TMEM69: variants seen among roughly 807,000 people sequenced by gnomAD.
TMEM69 encodes transmembrane protein 69.
A neutral mutation model predicts 15.8 loss-of-function variants in TMEM69; 17 were observed. The observed-to-expected ratio is 1.07, with a 90% CI of 0.73 to 1.61. TMEM69 has a LOEUF of 1.61. Ranked by LOEUF, TMEM69 falls within the 40% of genes most tolerant of loss-of-function variation. The pLI is 0.00. For synonymous variants in TMEM69, 80 were observed against 98.6 expected (o/e 0.81, Z 1.12); for missense variants, 230 against 286.1 (o/e 0.80, Z 1.41).
rs781614831 is a variant in TMEM69, at chr1:45,693,360, T to G, written c.199T>G (p.Ser67Ala). The G allele has an allele frequency of 3.2e-5, 51 of 1,613,832 alleles. No individual in the cohort carries two copies. Among genetic ancestry groups the G allele is most frequent in the Non-Finnish European group, 4.2e-5 (49 of 1,179,990 alleles). The stretch of plus-strand genomic sequence containing the variant: ...GAGCAAGACACAGTGCTATCATACA[T>G]CCCCCTGCAGCTTTAAAAAGCAGCA... ...YMSKTQCYHTSPCSFKKQQKQ... is the reference protein window; with the variant it reads ...YMSKTQCYHTAPCSFKKQQKQ... Residue 67 changes from serine (S) to alanine (A), a missense_variant, in exon 3 of 3, where the codon TCC becomes GCC. Ser to Ala is a moderately conservative substitution (Grantham distance 99, BLOSUM62 1). Transcript: ENST00000372025.
Position 45,690,960 on chromosome 1 carries a change from T to A in TMEM69, c.-95-14T>A. On this transcript the variant is annotated splice_polypyrimidine_tract_variant and intron_variant, in intron 1 of 2. Transcript: ENST00000372025. The stretch of plus-strand genomic sequence containing the variant: ...AAATGAGGAAAATTAAGTGACACCT[T>A]GTGTTATACACAGAAACATGCCCCT... 8.7e-7 allele frequency: 1 copy of A among 1,151,198 alleles called. No homozygotes were observed. 71.3% of individuals were successfully genotyped at this position (1,151,198 alleles called of 1,614,324 possible). A position where few individuals can be genotyped will look rare whatever the true frequency, so the allele number is the denominator to read the frequency against.
rs1645341996 is a variant in TMEM69, at chr1:45,691,125, C to G, written c.42+15C>G. On this transcript the variant is annotated intron_variant, in intron 2 of 2. Coordinates refer to ENST00000372025, the MANE Select transcript of TMEM69 (RefSeq NM_016486.4). Reference sequence around the variant, plus strand: ...CATCTTCAAAGGTTGGTTTGTTCAGCAGATATTTGAGCACTATTTGCCAAA... The same window carrying G: ...CATCTTCAAAGGTTGGTTTGTTCAGGAGATATTTGAGCACTATTTGCCAAA... 1.9e-6 allele frequency: 3 copies of G among 1,613,660 alleles called. No individual in the cohort carries two copies. The highest frequency in any genetic ancestry group is 1.7e-5 in the Admixed American group (1 of 59,986).
At position 45,691,218 on chromosome 1, in the gene TMEM69, G is replaced by A. The variant is rs985110192; in HGVS notation, c.42+108G>A. ...CCTTACCCTTGTATATTCAGGTGAT[G>A]GAGGGAAGAGTTAAGTAAAATACAA... is the stretch of plus-strand genomic sequence containing the variant. On this transcript the variant is annotated intron_variant, in intron 2 of 2. Transcript: ENST00000372025. 52 of 912,762 alleles carry A rather than the reference G, an allele frequency of 5.7e-5. No homozygotes were observed. In the Middle Eastern group the frequency reaches 1.1e-3, roughly 18 times the overall value. The allele number at this position is 912,762 out of a possible 1,614,324, so 56.5% of individuals were successfully genotyped here. A position where few individuals can be genotyped will look rare whatever the true frequency, so the allele number is the denominator to read the frequency against.
chr1:45,693,595 G>A lies in TMEM69; in HGVS notation c.434G>A (p.Trp145Ter), dbSNP rs771995746. 2 of 1,614,062 alleles carry A rather than the reference G, an allele frequency of 1.2e-6. No homozygotes were observed. The highest frequency in any genetic ancestry group is 1.7e-5 in the Admixed American group (1 of 59,992). The change falls in exon 3 of 3, where the codon TGG (tryptophan) becomes TAG (stop). Residue 145 changes from tryptophan to a stop codon, truncating the protein, a stop_gained. Transcript: ENST00000372025. LOFTEE classifies it high-confidence loss of function. ...SFLSFLGGIRWGFALPEGSPA... is the reference protein window; with the variant it reads ...SFLSFLGGIR ...CTATCTTTCTTGGGTGGGATCAGAT[G>A]GGGTTTTGCTCTACCAGAAGGTAGT...
chr1:45,693,007 A>G lies in TMEM69; in HGVS notation c.43-197A>G, dbSNP rs1038942359. ...CTTTTGTACATTGTATAGCCATTTA[A>G]TACTCTTACCAGCAATAATATCACT... On this transcript the variant is annotated intron_variant, in intron 2 of 2. Transcript: ENST00000372025. Among the ~76,000 whole-genome samples the G allele has an allele frequency of 2.0e-5, 3 of 152,084 alleles. No homozygotes were observed. The East Asian group carries it at 5.8e-4, about 29-fold the overall frequency.
rs537816282 is a variant in TMEM69 at position 45,691,215 on chromosome 1, G to A, written c.42+105G>A. 6 of 944,582 alleles carry A rather than the reference G, an allele frequency of 6.4e-6. No homozygotes were observed. The Admixed American group carries it at 8.0e-5, about 13-fold the overall frequency. The allele number at this position is 944,582 out of a possible 1,614,324, so 58.5% of individuals were successfully genotyped here. On this transcript the variant is annotated intron_variant, in intron 2 of 2. Transcript: ENST00000372025. Reference sequence around the variant, plus strand: ...AATCCTTACCCTTGTATATTCAGGTGATGGAGGGAAGAGTTAAGTAAAATA... The same window carrying A: ...AATCCTTACCCTTGTATATTCAGGTAATGGAGGGAAGAGTTAAGTAAAATA...
rs376744329 is a variant in TMEM69 at position 45,693,592 on chromosome 1, G to C, written c.431G>C (p.Arg144Thr). 2.1e-5 allele frequency: 34 copies of C among 1,614,202 alleles called. No homozygotes were observed. Among genetic ancestry groups the C allele is most frequent in the Non-Finnish European group, 2.5e-5 (29 of 1,180,036 alleles). Residue 144 changes from arginine to threonine, a missense_variant, in exon 3 of 3, where the codon AGA (arginine) becomes ACA (threonine). Transcript: ENST00000372025. Reference sequence around the variant, plus strand: ...TTCCTATCTTTCTTGGGTGGGATCAGATGGGGTTTTGCTCTACCAGAAGGT... The same window carrying C: ...TTCCTATCTTTCTTGGGTGGGATCACATGGGGTTTTGCTCTACCAGAAGGT... ...ASFLSFLGGI[R>T]WGFALPEGSP... is the part of the protein sequence containing the mutation.
rs766594584 is a variant in TMEM69 at position 45,693,575 on chromosome 1, T to C, written c.414T>C (p.Ser138=). 1.6e-5 allele frequency: 26 copies of C among 1,614,208 alleles called. No individual in the cohort carries two copies. The highest frequency in any genetic ancestry group is 2.1e-5 in the Non-Finnish European group (25 of 1,180,030). The change falls in exon 3 of 3, where the codon TCT becomes TCC. Residue 138 remains serine (S), a synonymous_variant. Transcript: ENST00000372025. The stretch of plus-strand genomic sequence containing the variant: ...TGGCTTATGGAGCCAGTTTCCTATC[T>C]TTCTTGGGTGGGATCAGATGGGGTT... ...TQMAYGASFL[S]FLGGIRWGFA...
Position 45,694,337 on chromosome 1 carries a change from G to A in TMEM69, c.*432G>A. 2.6e-6 allele frequency: 2 copies of A among 762,494 alleles called. No homozygotes were observed. The highest frequency in any genetic ancestry group is 1.6e-5 in the South Asian group (1 of 63,748). The allele number at this position is 762,494 out of a possible 1,614,324, so 47.2% of individuals were successfully genotyped here. On this transcript the variant is annotated 3_prime_UTR_variant, in exon 3 of 3. Transcript: ENST00000372025. ...CCTGACAAGTACTTTTCATCTCATA[G>A]TATATTAGTTTTCACTCAGTCATTT...
In TMEM69 at chr1:45,693,726, G is replaced by T. The variant is rs760503617; in HGVS notation, c.565G>T (p.Val189Leu). Residue 189 changes from valine (V) to leucine (L), a missense_variant, in exon 3 of 3, where the codon GTA (valine) becomes TTA (leucine). Val to Leu is a conservative substitution (Grantham distance 32, BLOSUM62 1). Transcript: ENST00000372025. The stretch of plus-strand genomic sequence containing the variant: ...AAGACTTAGTGAAGCCATAGTCACA[G>T]TAATAATGGGTATGGGAGTAGCATT... The part of the protein sequence containing the change: ...SERLSEAIVT[V>L]IMGMGVAFHL... The T allele has an allele frequency of 6.2e-7, 1 of 1,614,192 alleles. No individual in the cohort carries two copies. Among genetic ancestry groups the T allele is most frequent in the Non-Finnish European group, 8.5e-7 (1 of 1,180,036 alleles).
intron 1 of TMEM69, among the ~76,000 whole-genome samples, chr1:45,688,874 G>C (rs1645322057): frequency 6.6e-6 from 1 of 151,240 alleles, no homozygotes; most frequent in Admixed American, 6.6e-5. Flanking sequence ...CCAGCCCTAA[G>C]ATCTGTGATC....
intron 2 of TMEM69, among the ~76,000 whole-genome samples, chr1:45,692,365 T>C (rs1645350079): frequency 6.6e-6 from 1 of 152,156 alleles, no homozygotes; most frequent in East Asian, 1.9e-4. Flanking sequence ...CTGAGATTCT[T>C]CAATAACTTC....
chr1:45,692,628 T>C (rs1645351909), intron 2 of TMEM69, among the ~76,000 whole-genome samples: 1 of 150,018 alleles, frequency 6.7e-6, no homozygotes, highest in African/African-American at 2.5e-5. Flanking sequence ...AATCAGACCG[T>C]AGAAGGGTAA....
chr1:45,689,741 G>C (rs1324090961), intron 1 of TMEM69, among the ~76,000 whole-genome samples: 1 of 152,174 alleles, frequency 6.6e-6, no homozygotes, highest in Non-Finnish European at 1.5e-5. Context: ...AGGAGGCTGA[G>C]GCAGGAGAAT....
intron 2 of TMEM69, 82 bp downstream of exon 2, chr1:45,691,192 T>A (rs1645342710): frequency 8.3e-7 from 1 of 1,202,376 alleles, no homozygotes; most frequent in Non-Finnish European, 1.2e-6. Context: ...AAGACAAAAA[T>A]CCTTACCCTT....
Position 45,688,284 on chromosome 1 carries a change from T to G in TMEM69, c.-96+9T>G, listed in dbSNP as rs1645315164. 6.6e-6 allele frequency: 1 copy of G among 151,996 alleles called. No homozygotes were observed. Among genetic ancestry groups the G allele is most frequent in the Non-Finnish European group, 1.5e-5 (1 of 68,028 alleles). The allele number at this position is 151,996 out of a possible 1,614,324, so 9.4% of individuals were successfully genotyped here. ...TCTCAAAGTCGCCACAGGTGCAGGT[T>G]GGGATGGGAGGCACCAAGGGTTGGT... On this transcript the variant is annotated intron_variant, in intron 1 of 2. Coordinates refer to ENST00000372025, the MANE Select transcript of TMEM69 (RefSeq NM_016486.4).
At chr1:45,693,172 A>C (rs756789644) in intron 2 of TMEM69, 32 bp from the exon 3 acceptor site, 1 of 1,462,048 alleles carries the variant, frequency 6.8e-7, no homozygotes, top group Admixed American at 2.1e-5. Flanking sequence ...ATATATTTTT[A>C]ATTTTGTCTT....
At position 45,691,103 on chromosome 1, in the gene TMEM69, C is replaced by T; in HGVS notation, c.35C>T (p.Ser12Phe). The part of the protein sequence containing the change: ...LRFIQKFSQA[S>F]SKILKYSFPV... ...TTCATCCAGAAGTTTTCTCAAGCAT[C>T]TTCAAAGGTTGGTTTGTTCAGCAGA... Residue 12 changes from serine to phenylalanine, a missense_variant, in exon 2 of 3, where the codon TCT becomes TTT. Physicochemically the swap from Ser to Phe is radical, Grantham distance 155. Transcript: ENST00000372025. The T allele has an allele frequency of 6.2e-7, 1 of 1,614,148 alleles. No individual in the cohort carries two copies. Among genetic ancestry groups the T allele is most frequent in the Non-Finnish European group, 8.5e-7 (1 of 1,180,008 alleles).
At position 45,693,957 on chromosome 1, in the gene TMEM69, G is replaced by T. The variant is rs142762008; in HGVS notation, c.*52G>T. 4 of 1,273,470 alleles carry T rather than the reference G, an allele frequency of 3.1e-6. No individual in the cohort carries two copies. In the African/African-American group the frequency reaches 4.5e-5, roughly 14 times the overall value. 78.9% of individuals were successfully genotyped at this position (1,273,470 alleles called of 1,614,324 possible). ...AGCACCTCTGCCCAGCTGCTGCCCC[G>T]TCTGGGAAGTGAGGAGCGCCTCTGC... On this transcript the variant is annotated 3_prime_UTR_variant, in exon 3 of 3. Coordinates refer to ENST00000372025, the MANE Select transcript of TMEM69 (RefSeq NM_016486.4).
Sources: gnomAD v4.1 joint callset for allele counts (sites outside exome capture counted in the v4.1 genomes callset) on GRCh38, gnomAD v4.1.1 for gene constraint, MANE v1.5 for transcripts, NCBI Gene and HGNC (gene_info 2026-07-23, HGNC 2026-07-21) for gene names.